The following KIAA1217 variants were observed in gnomAD, a reference collection of about 807,000 sequenced individuals.
KIAA1217 encodes the protein KIAA1217.
Under a neutral mutation model 163.9 loss-of-function variants are expected in KIAA1217, and 88 were observed. That is an observed-to-expected ratio of 0.54 (90% CI 0.45 to 0.64). The LOEUF (loss-of-function observed/expected upper bound fraction) is 0.64, where lower values mean the gene tolerates loss of function less well. Ranked by LOEUF, KIAA1217 falls within the 30% of genes least tolerant of loss-of-function variation. The probability of loss-of-function intolerance (pLI) is 0.00; values close to 1 mark genes in which losing one functional copy is unlikely to be tolerated. For synonymous variants in KIAA1217, 903 were observed against 923.1 expected, an observed-to-expected ratio of 0.98 and a Z score of 0.39; for missense variants, 2,372 against 2,475.0, an observed-to-expected ratio of 0.96 and a Z score of 0.88.
intron 2 of KIAA1217, among the ~76,000 whole-genome samples, chr10:24,049,605 G>T (rs1303063474): frequency 6.6e-6 from 1 of 152,072 alleles, no homozygotes; most frequent in East Asian, 1.9e-4. Flanking sequence ...ATGGTTTCCA[G>T]CTTCATCCAT....
Position 24,278,959 on chromosome 10 carries a change from C to T in KIAA1217, c.354+59050C>T, listed in dbSNP as rs373944634. Among the ~76,000 whole-genome samples, 19 of 151,364 alleles carry T rather than the reference C, an allele frequency of 1.3e-4. No homozygotes were observed. The East Asian group carries it at 2.2e-3, about 17-fold the overall frequency. ...GCAACCTCTGCCTCCCAGGCTCAAG[C>T]GATTCTCATGCCTCAGCCTCCTGAG... is the stretch of plus-strand genomic sequence containing the variant. On this transcript the variant is annotated intron_variant, in intron 2 of 20. Coordinates refer to ENST00000376454, the MANE Select transcript of KIAA1217 (RefSeq NM_019590.5).
At chr10:24,028,915 G>T (rs1848077750) in intron 2 of KIAA1217, among the ~76,000 whole-genome samples, 1 of 152,062 alleles carries the variant, frequency 6.6e-6, no homozygotes, top group Admixed American at 6.6e-5. Flanking sequence ...AAAAAATTCT[G>T]AGTTATAAAT....
At chr10:24,304,966 G>C (rs993745981) in intron 2 of KIAA1217, among the ~76,000 whole-genome samples, 3 of 152,044 alleles carry the variant, frequency 2.0e-5, no homozygotes, top group Admixed American at 1.3e-4. Flanking sequence ...GTACAGTGAT[G>C]GGATTGCATT....
At chr10:24,255,963 AGAAT>A (rs1420389971) in intron 2 of KIAA1217, among the ~76,000 whole-genome samples, 1 of 151,796 alleles carries the variant, frequency 6.6e-6, no homozygotes, top group Non-Finnish European at 1.5e-5. Context: ...GGGCTCTGAA[AGAAT>A]GAGTGTGTGG....
chr10:24,309,331 GGCGCGCGCAC>G (rs2042383736), intron 2 of KIAA1217, among the ~76,000 whole-genome samples: 1 of 126,140 alleles, frequency 7.9e-6, no homozygotes, highest in Non-Finnish European at 1.6e-5. Flanking sequence ...ATGACAAATA[GGCGCGCGCAC>G]GCGCGCGCGC....
chr10:24,438,262 G>C (rs573497274), intron 4 of KIAA1217, 124 bp from the exon 5 acceptor site: 2 of 659,748 alleles, frequency 3.0e-6, no homozygotes. Flanking sequence ...TTTGACTGGC[G>C]TACTGTAGAT....
intron 1 of KIAA1217, among the ~76,000 whole-genome samples, chr10:23,994,808 A>G (rs1846392209): frequency 6.6e-6 from 1 of 152,214 alleles, no homozygotes; most frequent in African/African-American, 2.4e-5. Context: ...TTTAGTGAAT[A>G]TGGAAGCATT....
chr10:24,233,525 G>A (rs1201312876), intron 2 of KIAA1217, among the ~76,000 whole-genome samples: 1 of 152,196 alleles, frequency 6.6e-6, no homozygotes, highest in African/African-American at 2.4e-5. Context: ...CTTTGGGTAT[G>A]ATTTGAGTAT....
chr10:24,084,856 T>C (rs1464079032), intron 2 of KIAA1217, among the ~76,000 whole-genome samples: 2 of 152,124 alleles, frequency 1.3e-5, no homozygotes, highest in African/African-American at 4.8e-5. Flanking sequence ...GAACTATTTT[T>C]ATTACTATCT....
chr10:23,704,176 A>G (rs7475615), intron 1 of KIAA1217, among the ~76,000 whole-genome samples: 2,129 of 36,518 alleles, frequency 0.058, 51 homozygotes, highest in East Asian at 0.19. Flanking sequence ...GTGTGTGTAT[A>G]TATATATATA....
chr10:23,727,969 A>G (rs181709968), intron 1 of KIAA1217, among the ~76,000 whole-genome samples: 2 of 152,274 alleles, frequency 1.3e-5, no homozygotes, highest in East Asian at 1.9e-4. Context: ...CCTGCAAAGG[A>G]CATGAACTCA....
intron 1 of KIAA1217, among the ~76,000 whole-genome samples, chr10:23,754,892 C>T (rs1239093254): frequency 6.7e-6 from 1 of 149,908 alleles, no homozygotes; most frequent in African/African-American, 2.5e-5. Context: ...TTGTGAGCTT[C>T]AAGAAGTGGT....
chr10:24,272,004 C>G (rs1421663622), intron 2 of KIAA1217, among the ~76,000 whole-genome samples: 1 of 152,104 alleles, frequency 6.6e-6, no homozygotes, highest in Non-Finnish European at 1.5e-5. Context: ...GACCAAAGCC[C>G]ATGGGATGCT....
At chr10:24,331,030 A>G (rs889573694) in intron 2 of KIAA1217, among the ~76,000 whole-genome samples, 1 of 151,156 alleles carries the variant, frequency 6.6e-6, no homozygotes, top group Non-Finnish European at 1.5e-5. Context: ...TGCAGCCTTG[A>G]ACTTCTGAAC....
intron 1 of KIAA1217, among the ~76,000 whole-genome samples, chr10:23,869,294 C>T (rs546161513): frequency 6.2e-4 from 94 of 151,956 alleles, no homozygotes; most frequent in Middle Eastern, 3.4e-3. Flanking sequence ...TCATATCCAG[C>T]ACTACTAAAT....
intron 2 of KIAA1217, among the ~76,000 whole-genome samples, chr10:24,243,048 T>A (rs1282004731): frequency 1.3e-5 from 2 of 152,322 alleles, no homozygotes; most frequent in East Asian, 3.9e-4. Context: ...CTGTTGATGG[T>A]TTCTTTTGGT....
rs565915264 is a variant in KIAA1217, at chr10:23,840,018, A to G, written c.-321+144784A>G. ...GGCTTTTCTCATTTTGACCAGAGAAAGTTCTTAAACTTTCTGTGATCCCTG... is the reference window on the plus strand; with the variant it reads ...GGCTTTTCTCATTTTGACCAGAGAAGGTTCTTAAACTTTCTGTGATCCCTG... On this transcript the variant is annotated intron_variant, in intron 1 of 18. Coordinates refer to the KIAA1217 transcript ENST00000376462. Among the ~76,000 whole-genome samples, 27 of 152,286 alleles carry G rather than the reference A, an allele frequency of 1.8e-4. No homozygotes were observed. The South Asian group carries it at 5.6e-3, about 32-fold the overall frequency.
At chr10:24,123,677 G>A in intron 2 of KIAA1217, among the ~76,000 whole-genome samples, 1 of 152,128 alleles carries the variant, frequency 6.6e-6, no homozygotes, top group East Asian at 1.9e-4. Context: ...TCCCACCCCA[G>A]ACCAATTAAA....
chr10:24,357,801 A>G (rs1215861700), intron 2 of KIAA1217, among the ~76,000 whole-genome samples: 2 of 152,190 alleles, frequency 1.3e-5, no homozygotes, highest in African/African-American at 4.8e-5. Flanking sequence ...GCAATAACGC[A>G]TAGGGGAGTC....
Sources: allele counts gnomAD v4.1 joint callset (sites outside exome capture counted in the v4.1 genomes callset), GRCh38; gene constraint gnomAD v4.1.1; transcripts MANE v1.5; gene names NCBI Gene and HGNC (gene_info 2026-07-23, HGNC 2026-07-21).